The following PER3 variants were observed in gnomAD, a reference collection of about 807,000 sequenced individuals.
PER3 encodes the protein period circadian regulator 3, also known as period circadian protein homolog 3.
In PER3, 107 loss-of-function variants were observed where a neutral mutation model predicts 127.2. That is an observed-to-expected ratio of 0.84 (90% confidence interval 0.72 to 0.99). The LOEUF (loss-of-function observed/expected upper bound fraction) is 0.99. Among genes scored for constraint, PER3 ranks in the 50% least tolerant of loss-of-function variants. The pLI, the probability that PER3 is intolerant of heterozygous loss-of-function variation, is 0.00. For missense variants in PER3, 1,560 were observed against 1,525.8 expected (o/e 1.02, Z -0.37); for synonymous variants, 618 against 585.8 (o/e 1.05, Z -0.79).
Position 7,827,299 on chromosome 1 carries a change from C to A in PER3, c.2370C>A (p.Ser790Arg). 1.2e-6 allele frequency: 2 copies of A among 1,613,714 alleles called. No individual in the cohort carries two copies. The highest frequency in any genetic ancestry group is 1.7e-6 in the Non-Finnish European group (2 of 1,179,832). The change falls in exon 18 of 22, where the codon AGC becomes AGA. Residue 790 changes from serine (S) to arginine (R), a missense_variant. By Grantham distance (110) the Ser-to-Arg change is moderately radical. Transcript: ENST00000377532. Reference protein sequence around the residue: ...PSAASSPHTSSPTFPPAAMVP... With the variant: ...PSAASSPHTSRPTFPPAAMVP... ...CGGCCTCCTCTCCGCACACCTCGAG[C>A]CCGACCTTCCCACCTGCCGCCATGG...
intron 6 of PER3, among the ~76,000 whole-genome samples, chr1:7,795,991 T>G (rs1487209049): frequency 6.6e-6 from 1 of 152,196 alleles, no homozygotes; most frequent in East Asian, 1.9e-4. Flanking sequence ...GAGGAAGTTC[T>G]CATTCACGTT....
chr1:7,824,894 G>GT lies in PER3; in HGVS notation c.1958-1580dup, dbSNP rs550959622. 2.6e-3 allele frequency among the ~76,000 whole-genome samples: 398 copies of GT among 152,280 alleles called. 1 individual carries two copies. The highest frequency in any genetic ancestry group is 9.1e-3 in the African/African-American group (380 of 41,552). On this transcript the variant is annotated intron_variant, in intron 16 of 21. Transcript: ENST00000377532. ...TTGTTCCTGCTAATCCTCTCAGGTG[G>GT]TTTTTTCCTCCCATGAATGCCCTGG...
intron 6 of PER3, among the ~76,000 whole-genome samples, chr1:7,796,289 A>C (rs1373666858): frequency 6.7e-6 from 1 of 150,178 alleles, no homozygotes; most frequent in Non-Finnish European, 1.5e-5. Flanking sequence ...TTTTCAGTGA[A>C]CAGAGGTAGG....
chr1:7,841,408 G>T (rs915362962), intron 21 of PER3, among the ~76,000 whole-genome samples: 2 of 152,042 alleles, frequency 1.3e-5, no homozygotes, highest in African/African-American at 4.8e-5. Flanking sequence ...TTGGAAGACG[G>T]GGTCCTTATT....
chr1:7,836,690 C>T, intron 20 of PER3: 2 of 217,216 alleles, frequency 9.2e-6, no homozygotes, highest in South Asian at 1.1e-4. Context: ...CTGTGCTTTC[C>T]AAGATGGCAC....
At chr1:7,829,752 A>G (rs2097320763) in intron 18 of PER3, 82 bp from the exon 19 acceptor site, 1 of 1,221,242 alleles carries the variant, frequency 8.2e-7, no homozygotes, top group South Asian at 1.4e-5. Context: ...AACTACAGAA[A>G]GCAAAACCAT....
intron 7 of PER3, among the ~76,000 whole-genome samples, chr1:7,800,449 C>T (rs1008051803): frequency 2.0e-5 from 3 of 151,656 alleles, no homozygotes; most frequent in East Asian, 2.0e-4. Context: ...CTCAAGTGAT[C>T]GGCCTCCCAA....
chr1:7,827,556 G>A lies in PER3; in HGVS notation c.2627G>A (p.Cys876Tyr), dbSNP rs754865114. ...CTGTTGTCGCCATCGTTTTTGCCAT[G>A]TCCATTCCTGGGGGCGACAGCCTCT... ...CPLLSPSFLP[C>Y]PFLGATASSA... Residue 876 changes from cysteine (C) to tyrosine (Y), a missense_variant, in exon 18 of 22, where the codon TGT (cysteine) becomes TAT (tyrosine). Coordinates refer to ENST00000377532, the MANE Select transcript of PER3 (RefSeq NM_001377275.1). 2 of 1,614,112 alleles carry A rather than the reference G, an allele frequency of 1.2e-6. No individual in the cohort carries two copies. The highest frequency in any genetic ancestry group is 1.7e-6 in the Non-Finnish European group (2 of 1,180,026).
At chr1:7,809,570 T>C (rs2097209944) in intron 11 of PER3, among the ~76,000 whole-genome samples, 1 of 152,226 alleles carries the variant, frequency 6.6e-6, no homozygotes. Context: ...AGTTAGTTTG[T>C]TCTCTGTATT....
At chr1:7,821,808 C>A (rs1260653135) in intron 16 of PER3, among the ~76,000 whole-genome samples, 1 of 152,154 alleles carries the variant, frequency 6.6e-6, no homozygotes, top group African/African-American at 2.4e-5. Context: ...AATCAGAGCC[C>A]AGATATTCCT....
At chr1:7,842,047 G>A (rs184027508) in intron 21 of PER3, among the ~76,000 whole-genome samples, 15 of 152,214 alleles carry the variant, frequency 9.9e-5, no homozygotes, top group Admixed American at 4.6e-4. Context: ...ACTGTAGGCC[G>A]TTGTAACACA....
intron 21 of PER3, among the ~76,000 whole-genome samples, chr1:7,842,056 CA>C (rs1280305023): frequency 6.6e-6 from 1 of 152,148 alleles, no homozygotes; most frequent in African/African-American, 2.4e-5. Context: ...CGTTGTAACA[CA>C]GTGTTACTTG....
intron 5 of PER3, among the ~76,000 whole-genome samples, chr1:7,790,223 TTAA>T (rs1395088457): frequency 6.6e-6 from 1 of 152,168 alleles, no homozygotes; most frequent in Non-Finnish European, 1.5e-5. Context: ...GACTGGGTAA[TTAA>T]TAAAGGAAAG....
intron 16 of PER3, among the ~76,000 whole-genome samples, chr1:7,823,723 C>T (rs908442849): frequency 6.6e-6 from 1 of 151,752 alleles, no homozygotes; most frequent in African/African-American, 2.4e-5. Context: ...TTGTACACTC[C>T]CTCTCTGCAA....
At chr1:7,835,004 G>A (rs1190186930) in intron 19 of PER3, among the ~76,000 whole-genome samples, 1 of 151,962 alleles carries the variant, frequency 6.6e-6, no homozygotes, top group Non-Finnish European at 1.5e-5. Flanking sequence ...GTGAGGAGGG[G>A]GTACATATAT....
Position 7,826,472 on chromosome 1 carries a change from C to T in PER3, c.1958-8C>T, listed in dbSNP as rs1374578564. The T allele has an allele frequency of 4.0e-6, 6 of 1,510,710 alleles. No individual in the cohort carries two copies. The highest frequency in any genetic ancestry group is 1.4e-5 in the African/African-American group (1 of 72,720). The allele number at this position is 1,510,710 out of a possible 1,614,324, so 93.6% of individuals were successfully genotyped here. A position where few individuals can be genotyped will look rare whatever the true frequency, so the allele number is the denominator to read the frequency against. On this transcript the variant is annotated splice_polypyrimidine_tract_variant and splice_region_variant and intron_variant, in intron 16 of 21. Coordinates refer to ENST00000377532, the MANE Select transcript of PER3 (RefSeq NM_001377275.1). The surrounding 1 kb of genome is among the most constrained non-coding windows in gnomAD (Gnocchi z 4.2). ...AATTAAAATTAAATATGTCTTCTTCCACCTCAGCCAGGGATGCTACCCTCT... is the reference window on the plus strand; with the variant it reads ...AATTAAAATTAAATATGTCTTCTTCTACCTCAGCCAGGGATGCTACCCTCT...
chr1:7,816,762 C>T (rs986441628), intron 13 of PER3, among the ~76,000 whole-genome samples: 4 of 152,222 alleles, frequency 2.6e-5, no homozygotes, highest in African/African-American at 7.2e-5. Flanking sequence ...GAAAGTTTGA[C>T]ATTTCCCATA....
rs762669191 is a variant in PER3, at chr1:7,829,958, CTCCCA to C, written c.3013_3017del (p.Pro1005GlufsTer76). 4.1e-6 allele frequency: 5 copies of C among 1,215,606 alleles called. No individual in the cohort carries two copies. The highest frequency in any genetic ancestry group is 1.9e-5 in the South Asian group (1 of 53,280). 75.3% of individuals were successfully genotyped at this position (1,215,606 alleles called of 1,614,324 possible). A position where few individuals can be genotyped will look rare whatever the true frequency, so the allele number is the denominator to read the frequency against. ...GCCAGCGCTCTGTCCACAGGATCGC[CTCCCA>C]TGAAGAATCCATCCCATCCTACTGC... On this transcript the variant is annotated frameshift_variant, in exon 19 of 22. Coordinates refer to ENST00000377532, the MANE Select transcript of PER3 (RefSeq NM_001377275.1). LOFTEE classifies it high-confidence loss of function.
At chr1:7,839,320 CTATT>C (rs913359151) in intron 21 of PER3, among the ~76,000 whole-genome samples, 1 of 152,058 alleles carries the variant, frequency 6.6e-6, no homozygotes, top group Non-Finnish European at 1.5e-5. Context: ...ATGCATTAAT[CTATT>C]AAATAATATA....
Sources: allele counts gnomAD v4.1 joint callset (sites outside exome capture counted in the v4.1 genomes callset), GRCh38; gene constraint gnomAD v4.1.1; non-coding constraint Gnocchi (gnomAD v3.1); transcripts MANE v1.5; gene names NCBI Gene and HGNC (gene_info 2026-07-23, HGNC 2026-07-21).